Variants in FUT8 observed in about 807,000 individuals in gnomAD.
FUT8 encodes fucosyltransferase 8.
A neutral mutation model predicts 71.3 loss-of-function variants in FUT8; 29 were observed. The ratio of observed to expected loss-of-function variants is 0.41; its 90% CI spans 0.30 to 0.55. The LOEUF is 0.55. Among genes scored for constraint, FUT8 ranks in the 20% least tolerant of loss-of-function variants. The pLI is 0.34. For missense variants in FUT8, 544 were observed against 702.1 expected (o/e 0.77, Z 2.55); for synonymous variants, 254 against 239.3 (o/e 1.06, Z -0.57).
chr14:65,644,144 A>G (rs1366428536), intron 6 of FUT8, among the ~76,000 whole-genome samples: 2 of 152,232 alleles, frequency 1.3e-5, no homozygotes, highest in Admixed American at 6.5e-5. Context: ...CAAGACGCCT[A>G]TGAAGGGAAT....
intron 7 of FUT8, among the ~76,000 whole-genome samples, chr14:65,695,211 C>T (rs560322853): frequency 6.6e-6 from 1 of 152,216 alleles, no homozygotes; most frequent in African/African-American, 2.4e-5. Flanking sequence ...TGTGTCTTTA[C>T]CAATATTCTC....
intron 3 of FUT8, among the ~76,000 whole-genome samples, chr14:65,599,551 A>G (rs1888189346): frequency 1.3e-5 from 2 of 152,250 alleles, no homozygotes; most frequent in Admixed American, 6.5e-5. Flanking sequence ...CCTATGTCAT[A>G]TAAAGGCCTT....
chr14:65,432,134 C>G (rs1181303543), intron 1 of FUT8, among the ~76,000 whole-genome samples: 1 of 152,156 alleles, frequency 6.6e-6, no homozygotes, highest in Non-Finnish European at 1.5e-5. Flanking sequence ...TATAACTTTG[C>G]TGTCCTCTTG....
At chr14:65,373,858 C>A in the FUT8 span, among the ~76,000 whole-genome samples, 1 of 152,252 alleles carries the variant, frequency 6.6e-6, no homozygotes, top group South Asian at 2.1e-4. Context: ...ATCCGTCCGT[C>A]TTTCTTCCAG....
intron 2 of FUT8, among the ~76,000 whole-genome samples, chr14:65,507,139 CA>C (rs1299108420): frequency 6.6e-6 from 1 of 152,186 alleles, no homozygotes; most frequent in African/African-American, 2.4e-5. Context: ...CATGGCACAT[CA>C]AAGGTTAGTC....
chr14:65,556,438 G>A (rs1191774854), intron 2 of FUT8, among the ~76,000 whole-genome samples: 1 of 152,190 alleles, frequency 6.6e-6, no homozygotes, highest in African/African-American at 2.4e-5. Context: ...TTGTCTGAAG[G>A]CTGCCCTCAG....
At chr14:65,692,876 G>A (rs1295961308) in intron 7 of FUT8, among the ~76,000 whole-genome samples, 31 of 150,748 alleles carry the variant, frequency 2.1e-4, no homozygotes, top group South Asian at 1.1e-3. Flanking sequence ...ACGGGGTGGC[G>A]GGGCAGAGGC....
Position 65,677,174 on chromosome 14 carries a change from G to A in FUT8, c.835+7694G>A, listed in dbSNP as rs779109616. Among the ~76,000 whole-genome samples the A allele has an allele frequency of 2.8e-4, 32 of 116,130 alleles. 1 individual carries two copies. The highest frequency in any genetic ancestry group is 1.5e-3 in the Admixed American group (17 of 11,198). The allele number at this position is 116,130 out of a possible 152,430, so 76.2% of individuals were successfully genotyped here. ...TGTGCGCGCGCGCATGCGCGCGCAC[G>A]TATGTGTGTGCGCATGTGTGTTTTT... On this transcript the variant is annotated intron_variant, in intron 7 of 10. Coordinates refer to ENST00000673929, the MANE Select transcript of FUT8 (RefSeq NM_001371533.1).
chr14:65,422,560 A>G (rs1257327089), intron 1 of FUT8, among the ~76,000 whole-genome samples: 1 of 152,028 alleles, frequency 6.6e-6, no homozygotes, highest in Non-Finnish European at 1.5e-5. Flanking sequence ...TGCAAATGGC[A>G]TGATCATAGC....
At chr14:65,636,542 G>A (rs1231542269) in intron 6 of FUT8, 1 of 152,092 alleles carries the variant, frequency 6.6e-6, no homozygotes, top group Non-Finnish European at 1.5e-5. Flanking sequence ...GGTAGGATTT[G>A]TCGTTACTGT....
At chr14:65,551,661 C>T (rs754662663) in intron 2 of FUT8, among the ~76,000 whole-genome samples, 9 of 152,092 alleles carry the variant, frequency 5.9e-5, no homozygotes, top group Non-Finnish European at 7.4e-5. Flanking sequence ...GTCTACTTTG[C>T]AAACTCATCA....
intron 10 of FUT8, 94 bp downstream of exon 10, chr14:65,733,475 C>A: frequency 1.1e-6 from 1 of 910,142 alleles, no homozygotes; most frequent in Non-Finnish European, 1.6e-6. Context: ...TGTTAATGTT[C>A]ATTATTGTGA....
chr14:65,622,010 G>A (rs1405943522), intron 5 of FUT8, among the ~76,000 whole-genome samples: 1 of 152,112 alleles, frequency 6.6e-6, no homozygotes, highest in Non-Finnish European at 1.5e-5. Context: ...TTTTAGTAGA[G>A]ACGGGATTTC....
At chr14:65,430,260 G>A (rs2065452520) in intron 1 of FUT8, 1 of 151,756 alleles carries the variant, frequency 6.6e-6, no homozygotes, top group Admixed American at 6.6e-5. Context: ...CGAACTCTGA[G>A]CTCAAGCGAC....
intron 2 of FUT8, among the ~76,000 whole-genome samples, chr14:65,538,533 C>A: frequency 6.6e-6 from 1 of 152,242 alleles, no homozygotes; most frequent in East Asian, 1.9e-4. Flanking sequence ...GAGCTGAGGA[C>A]ATGAAGCAGT....
At position 65,653,237 on chromosome 14, in the gene FUT8, TATTA is replaced by T. The variant is rs558953340; in HGVS notation, c.598-16005_598-16002del. ...ATATTGCCAGGGCTATTTATTTATT[TATTA>T]GTTTATTTTTGAAAATCCAGTCTGC... On this transcript the variant is annotated intron_variant, in intron 6 of 10. Coordinates refer to ENST00000673929, the MANE Select transcript of FUT8 (RefSeq NM_001371533.1). Among the ~76,000 whole-genome samples the T allele has an allele frequency of 1.1e-4, 16 of 152,200 alleles. 1 individual carries two copies. In the South Asian group the frequency reaches 2.9e-3, roughly 28 times the overall value.
intron 3 of FUT8, among the ~76,000 whole-genome samples, chr14:65,590,635 C>A (rs1187976262): frequency 6.6e-6 from 1 of 152,120 alleles, no homozygotes; most frequent in East Asian, 1.9e-4. Context: ...GTAAGAATCA[C>A]AATATAGGGT....
intron 7 of FUT8, among the ~76,000 whole-genome samples, chr14:65,676,012 A>G (rs939648792): frequency 7.2e-5 from 11 of 152,114 alleles, no homozygotes; most frequent in African/African-American, 2.4e-4. Flanking sequence ...AAATAAATAA[A>G]CAAAAAATAA....
chr14:65,677,616 A>G (rs1442514184), intron 7 of FUT8, among the ~76,000 whole-genome samples: 1 of 152,166 alleles, frequency 6.6e-6, no homozygotes, highest in Non-Finnish European at 1.5e-5. Flanking sequence ...GCCAGCAAAT[A>G]CTGTATTAGG....
Sources: gnomAD v4.1 joint callset for allele counts (sites outside exome capture counted in the v4.1 genomes callset) on GRCh38, gnomAD v4.1.1 for gene constraint, MANE v1.5 for transcripts, NCBI Gene and HGNC (gene_info 2026-07-23, HGNC 2026-07-21) for gene names.